INAVA: variants seen among roughly 807,000 people sequenced by gnomAD.
INAVA encodes the protein innate immunity activator protein.
A neutral mutation model predicts 55.3 loss-of-function variants in INAVA; 32 were observed. The ratio of observed to expected loss-of-function variants is 0.58; its 90% CI spans 0.44 to 0.78. The LOEUF is 0.78. INAVA is among the 30% of genes least tolerant of loss of function. INAVA has a pLI of 0.00. For missense variants in INAVA, 756 were observed against 786.4 expected, an observed-to-expected ratio of 0.96 and a Z score of 0.46; for synonymous variants, 294 against 329.4, an observed-to-expected ratio of 0.89 and a Z score of 1.16.
intron 7 of INAVA, 77 bp downstream of exon 7, chr1:200,909,017 C>A: frequency 6.9e-7 from 1 of 1,448,670 alleles, no homozygotes; most frequent in Non-Finnish European, 9.3e-7. Context: ...TGGCTATAGG[C>A]TGGGCAGATG....
Position 200,905,770 on chromosome 1 carries a change from C to T in INAVA, c.521-2064C>T, listed in dbSNP as rs549671426. Reference sequence around the variant, plus strand: ...AAAGCAGCTATTGAACTGGATTTGACCCCTGGGCCATAGTTTGCTAACCTC... The same window carrying T: ...AAAGCAGCTATTGAACTGGATTTGATCCCTGGGCCATAGTTTGCTAACCTC... On this transcript the variant is annotated intron_variant, in intron 5 of 9. Coordinates refer to ENST00000413687, the MANE Select transcript of INAVA (RefSeq NM_001142569.3). Among the ~76,000 whole-genome samples the T allele has an allele frequency of 2.0e-5, 3 of 152,362 alleles. No homozygotes were observed. In the South Asian group the frequency reaches 6.2e-4, roughly 32 times the overall value.
In INAVA at chr1:200,909,220, G is replaced by A. The variant is rs1318765064; in HGVS notation, c.786-4G>A. On this transcript the variant is annotated splice_polypyrimidine_tract_variant and splice_region_variant and intron_variant, in intron 7 of 9. Transcript: ENST00000413687. ...CCACTGACCTGTCTCTAATCCTTTT[G>A]CAGCAGCCCAGCCACCACACCACAG... The A allele has an allele frequency of 3.3e-6, 5 of 1,497,888 alleles. No homozygotes were observed. The highest frequency in any genetic ancestry group is 4.5e-6 in the Non-Finnish European group (5 of 1,119,484). The allele number at this position is 1,497,888 out of a possible 1,614,324, so 92.8% of individuals were successfully genotyped here.
At chr1:200,894,298 A>T (rs1264984598), upstream of INAVA, among the ~76,000 whole-genome samples, 1 of 152,126 alleles carries the variant, frequency 6.6e-6, no homozygotes, top group African/African-American at 2.4e-5. Flanking sequence ...TCAACAGAGA[A>T]GTGATGGCCT....
At position 200,899,552 on chromosome 1, in the gene INAVA, G is replaced by A. The variant is rs1255188547; in HGVS notation, c.135G>A (p.Leu45=). 1 of 1,613,542 alleles carries A rather than the reference G, an allele frequency of 6.2e-7. No homozygotes were observed. The highest frequency in any genetic ancestry group is 1.7e-5 in the Admixed American group (1 of 59,974). The change falls in exon 3 of 10, where the codon CTG becomes CTA. Residue 45 remains leucine (L), a synonymous_variant. Transcript: ENST00000413687. ...HKQQRALEAR[L]EACLEELRRL... is the part of the protein sequence containing the mutation. ...AGCAGAGGGCCCTGGAAGCGAGGCTGGAGGCCTGCCTGGAGGAGCTGAGGA... is the reference window on the plus strand; with the variant it reads ...AGCAGAGGGCCCTGGAAGCGAGGCTAGAGGCCTGCCTGGAGGAGCTGAGGA...
chr1:200,899,625 A>G, intron 3 of INAVA, 28 bp downstream of exon 3: 4 of 1,608,920 alleles, frequency 2.5e-6, no homozygotes, highest in Non-Finnish European at 3.4e-6. Context: ...ACACACAAGC[A>G]TCGGGTTCAT....
rs527888688 is a variant in INAVA at position 200,898,345 on chromosome 1, G to A, written c.-56G>A. Reference sequence around the variant, plus strand: ...AGGCTACCTACACAACCTGGCCCAGGCTGGTCACGGTGTCCCCCCTCCCTG... The same window carrying A: ...AGGCTACCTACACAACCTGGCCCAGACTGGTCACGGTGTCCCCCCTCCCTG... On this transcript the variant is annotated 5_prime_UTR_variant, in exon 2 of 10. Transcript: ENST00000413687. 12 of 1,614,036 alleles carry A rather than the reference G, an allele frequency of 7.4e-6. No individual in the cohort carries two copies. In the East Asian group the frequency reaches 2.2e-4, roughly 30 times the overall value.
chr1:200,906,998 G>A (rs541072199), intron 5 of INAVA, among the ~76,000 whole-genome samples: 61 of 152,076 alleles, frequency 4.0e-4, no homozygotes, highest in African/African-American at 1.4e-3. Context: ...GCTAATTTTC[G>A]TATTTTTTGT....
rs549794709 is a variant in INAVA at position 200,911,557 on chromosome 1, C to A, written c.1064C>A (p.Ala355Glu). ...TVTVPDSCFP[A>E]TKPPLPHAAC... ...ACAGTGCCAGATTCCTGCTTTCCCG[C>A]GACCAAGCCCCCGCTGCCCCACGCC... The change falls in exon 9 of 10, where the codon GCG becomes GAG. Residue 355 changes from alanine to glutamate, a missense_variant. Physicochemically the swap from Ala to Glu is moderately radical, Grantham distance 107. Transcript: ENST00000413687. 4 of 1,613,692 alleles carry A rather than the reference C, an allele frequency of 2.5e-6. No individual in the cohort carries two copies. Among genetic ancestry groups the A allele is most frequent in the Non-Finnish European group, 2.5e-6 (3 of 1,179,880 alleles).
At chr1:200,907,698 C>A in intron 5 of INAVA, 136 bp from the exon 6 acceptor site, 1 of 602,168 alleles carries the variant, frequency 1.7e-6, no homozygotes, top group Non-Finnish European at 2.9e-6. Flanking sequence ...GTATTTAGCA[C>A]ACAGAGGGTA....
rs1653745423 is a variant in INAVA at position 200,911,808 on chromosome 1, G to A, written c.1315G>A (p.Val439Met). 6.2e-7 allele frequency: 1 copy of A among 1,607,702 alleles called. No individual in the cohort carries two copies. Residue 439 changes from valine (V) to methionine (M), a missense_variant, in exon 9 of 10, where the codon GTG (valine) becomes ATG (methionine). Val to Met is a conservative substitution (Grantham distance 21). This residue lies in a region of INAVA where 639 missense variants were observed against 624.3 expected (regional missense o/e 1.02). Transcript: ENST00000413687. Reference protein sequence around the residue: ...PGYFPAGRYVVVAESPLPPGE... With the variant: ...PGYFPAGRYVMVAESPLPPGE... Reference sequence around the variant, plus strand: ...CTATTTCCCGGCGGGGCGGTACGTGGTGGTGGCTGAGAGCCCCCTGCCGCC... The same window carrying A: ...CTATTTCCCGGCGGGGCGGTACGTGATGGTGGCTGAGAGCCCCCTGCCGCC...
intron 5 of INAVA, among the ~76,000 whole-genome samples, chr1:200,905,877 A>G (rs1245729940): frequency 1.3e-5 from 2 of 152,116 alleles, no homozygotes; most frequent in African/African-American, 4.8e-5. Flanking sequence ...TTGAGATGCA[A>G]GCTCACAGGG....
Position 200,911,711 on chromosome 1 carries a change from C to T in INAVA, c.1218C>T (p.His406=). Reference sequence around the variant, plus strand: ...TCTCCCCTCCCAAGACCCATCGTCACCGCGGGGCCTGGGTCCCAGCCGGCA... The same window carrying T: ...TCTCCCCTCCCAAGACCCATCGTCATCGCGGGGCCTGGGTCCCAGCCGGCA... ...QPLSPPKTHR[H]RGAWVPAGSR... is the part of the protein sequence containing the mutation. Residue 406 remains histidine, a synonymous_variant, in exon 9 of 10, where the codon CAC becomes CAT. Coordinates refer to ENST00000413687, the MANE Select transcript of INAVA (RefSeq NM_001142569.3). The T allele has an allele frequency of 6.2e-7, 1 of 1,613,406 alleles. No individual in the cohort carries two copies. Among genetic ancestry groups the T allele is most frequent in the Non-Finnish European group, 8.5e-7 (1 of 1,179,518 alleles).
rs745364980 is a variant in INAVA, at chr1:200,911,575, C to T, written c.1082C>T (p.Pro361Leu). 6.6e-5 allele frequency: 106 copies of T among 1,613,644 alleles called. No homozygotes were observed. The South Asian group carries it at 1.1e-3, about 17-fold the overall frequency. ...TTTCCCGCGACCAAGCCCCCGCTGCCCCACGCCGCCTGCCACTCCTGCTCA... is the reference window on the plus strand; with the variant it reads ...TTTCCCGCGACCAAGCCCCCGCTGCTCCACGCCGCCTGCCACTCCTGCTCA... ...SCFPATKPPL[P>L]HAACHSCSED... The change falls in exon 9 of 10, where the codon CCC becomes CTC. Residue 361 changes from proline (P) to leucine (L), a missense_variant. This residue lies in a region of INAVA where 639 missense variants were observed against 624.3 expected (regional missense o/e 1.02). Transcript: ENST00000413687.
chr1:200,911,982 A>G lies in INAVA; in HGVS notation c.1489A>G (p.Lys497Glu). 6.5e-7 allele frequency: 1 copy of G among 1,530,394 alleles called. No homozygotes were observed. The highest frequency in any genetic ancestry group is 8.8e-7 in the Non-Finnish European group (1 of 1,142,734). The allele number at this position is 1,530,394 out of a possible 1,614,324, so 94.8% of individuals were successfully genotyped here. Residue 497 changes from lysine to glutamate, a missense_variant, in exon 9 of 10, where the codon AAG becomes GAG. Transcript: ENST00000413687. ...KDSPAGRGLSKAAVSEELKWW... is the reference protein window; with the variant it reads ...KDSPAGRGLSEAAVSEELKWW... The stretch of plus-strand genomic sequence containing the variant: ...CAGCCCGGCAGGCCGGGGGCTCAGC[A>G]AGGCCGCCGTGTCCGAGGAGCTCAA...
Position 200,908,750 on chromosome 1 carries a change from C to T in INAVA, c.595C>T (p.Pro199Ser). The T allele has an allele frequency of 5.1e-6, 8 of 1,581,772 alleles. No homozygotes were observed. The highest frequency in any genetic ancestry group is 6.9e-6 in the Non-Finnish European group (8 of 1,165,232). The part of the protein sequence containing the change: ...LEEEESQVPK[P>S]PPESPAPPSR... ...TGCAGAGGAATCCCAAGTGCCAAAA[C>T]CTCCTCCAGAGTCTCCAGCCCCACC... The change falls in exon 7 of 10, where the codon CCT (proline) becomes TCT (serine). Residue 199 changes from proline (P) to serine (S), a missense_variant. Pro to Ser is a moderately conservative substitution (Grantham distance 74). Around this residue, in one of 2 missense-constraint regions of INAVA, gnomAD observed 639 missense variants for 624.3 expected, o/e 1.02. Transcript: ENST00000413687.
rs1201444717 is a variant in INAVA at position 200,911,437 on chromosome 1, C to T, written c.960-16C>T. On this transcript the variant is annotated splice_polypyrimidine_tract_variant and intron_variant, in intron 8 of 9. Coordinates refer to ENST00000413687, the MANE Select transcript of INAVA (RefSeq NM_001142569.3). ...TCTGCCCCCCACACTCAGAATGCCTCTCTTTCCCTCTTCAGGGTGGATTCC... is the reference window on the plus strand; with the variant it reads ...TCTGCCCCCCACACTCAGAATGCCTTTCTTTCCCTCTTCAGGGTGGATTCC... 2 of 1,601,604 alleles carry T rather than the reference C, an allele frequency of 1.2e-6. No homozygotes were observed. Among genetic ancestry groups the T allele is most frequent in the Admixed American group, 3.4e-5 (2 of 59,534 alleles).
intron 5 of INAVA, among the ~76,000 whole-genome samples, chr1:200,901,372 A>G (rs1036270119): frequency 6.6e-6 from 1 of 151,540 alleles, no homozygotes; most frequent in African/African-American, 2.4e-5. Flanking sequence ...AAAACACCCT[A>G]CTCTCTCCTT....
rs1653176170 is a variant in INAVA, at chr1:200,900,135, C to T, written c.212C>T (p.Pro71Leu). The T allele has an allele frequency of 6.2e-7, 1 of 1,613,778 alleles. No individual in the cohort carries two copies. The highest frequency in any genetic ancestry group is 1.1e-5 in the South Asian group (1 of 91,056). Residue 71 changes from proline (P) to leucine (L), a missense_variant, in exon 4 of 10, where the codon CCC becomes CTC. Physicochemically the swap from Pro to Leu is moderately conservative, Grantham distance 98. Transcript: ENST00000413687. ...ELTGTLPAEY[P>L]LKPGEKAPKV... ...ACGGGCACCTTGCCAGCGGAGTATCCCCTCAAACCAGGGGAAAAGGCCCCC... is the reference window on the plus strand; with the variant it reads ...ACGGGCACCTTGCCAGCGGAGTATCTCCTCAAACCAGGGGAAAAGGCCCCC...
intron 5 of INAVA, among the ~76,000 whole-genome samples, chr1:200,906,783 T>C (rs1359541669): frequency 6.6e-6 from 1 of 152,178 alleles, no homozygotes; most frequent in Non-Finnish European, 1.5e-5. Context: ...GATCTTTGAA[T>C]TGTGTTTGTG....
Sources: gnomAD v4.1 joint callset for allele counts (sites outside exome capture counted in the v4.1 genomes callset) on GRCh38, gnomAD v4.1.1 for gene constraint, gnomAD v4.1.1 regional missense constraint, MANE v1.5 for transcripts, NCBI Gene and HGNC (gene_info 2026-07-23, HGNC 2026-07-21) for gene names.